Variants in TTC34 observed in about 807,000 individuals in gnomAD.
TTC34 encodes the protein tetratricopeptide repeat domain 34.
TTC34 carries 44 observed loss-of-function variants against 40.7 expected under a neutral mutation model. The observed-to-expected ratio is 1.08, with a 90% CI of 0.85 to 1.39. The LOEUF (loss-of-function observed/expected upper bound fraction) is 1.39, where lower values mean the gene tolerates loss of function less well. Among genes scored for constraint, TTC34 ranks in the 40% most tolerant of loss-of-function variants. TTC34 has a pLI of 0.00. For synonymous variants in TTC34, 422 were observed against 398.6 expected (o/e 1.06, Z -0.70); for missense variants, 884 against 838.0 (o/e 1.05, Z -0.68).
At chr1:2,753,629 C>CA (rs1641401060) in intron 6 of TTC34, among the ~76,000 whole-genome samples, 1 of 103,248 alleles carries the variant, frequency 9.7e-6, no homozygotes, top group Non-Finnish European at 1.8e-5. Flanking sequence ...CACAGGTGAG[C>CA]TTCTGACAGC....
chr1:2,754,743 AG>A (rs1641447091), intron 6 of TTC34, among the ~76,000 whole-genome samples: 2 of 147,600 alleles, frequency 1.4e-5, no homozygotes, highest in Admixed American at 1.3e-4. Context: ...CCACACCCCC[AG>A]GTGCGCATGT....
At chr1:2,790,037 G>T in exon 3 of TTC34, 2 of 397,114 alleles carry the variant, frequency 5.0e-6, no homozygotes, top group Non-Finnish European at 8.9e-6. Context: ...CCCGGCAGGC[G>T]CCAGGCGAAG....
At chr1:2,686,050 A>G (rs1412315352) in intron 6 of TTC34, among the ~76,000 whole-genome samples, 3 of 111,940 alleles carry the variant, frequency 2.7e-5, no homozygotes, top group Non-Finnish European at 3.5e-5. Flanking sequence ...CCCCCAAGTG[A>G]GCATCCGACA....
At chr1:2,650,338 C>T (rs374032347) in intron 6 of TTC34, among the ~76,000 whole-genome samples, 1 of 141,080 alleles carries the variant, frequency 7.1e-6, no homozygotes, top group Middle Eastern at 3.9e-3. Context: ...GCACTCTACA[C>T]CCTCAGGTGA....
At chr1:2,748,386 A>G in intron 6 of TTC34, among the ~76,000 whole-genome samples, 1 of 149,234 alleles carries the variant, frequency 6.7e-6, no homozygotes, top group Admixed American at 6.6e-5. Flanking sequence ...GACATCCTGG[A>G]GCAACACTGA....
At chr1:2,683,621 C>A (rs1419025860) in intron 6 of TTC34, among the ~76,000 whole-genome samples, 2 of 76,012 alleles carry the variant, frequency 2.6e-5, no homozygotes, top group Non-Finnish European at 7.2e-5. Context: ...CATCCTTCAG[C>A]AGCACCCACA....
At chr1:2,795,548 G>A (rs1176432430) in intron 2 of TTC34, among the ~76,000 whole-genome samples, 2 of 152,176 alleles carry the variant, frequency 1.3e-5, no homozygotes, top group African/African-American at 4.8e-5. Context: ...CTGAGGCTTG[G>A]GCTCCTGAAG....
chr1:2,676,948 G>C (rs1251115044), intron 6 of TTC34, among the ~76,000 whole-genome samples: 38 of 147,246 alleles, frequency 2.6e-4, no homozygotes, highest in Admixed American at 2.5e-3. Flanking sequence ...GCATCTGACA[G>C]CATGGAACAG....
At chr1:2,637,622 G>A (rs1241381740) in exon 9 of TTC34, 3 of 152,234 alleles carry the variant, frequency 2.0e-5, no homozygotes, top group South Asian at 2.1e-4. Flanking sequence ...ACGTGCTGCT[G>A]TGTGAGGCTG....
chr1:2,693,171 GGTCCGC>G (rs1640705112), intron 6 of TTC34, among the ~76,000 whole-genome samples: 1 of 96,046 alleles, frequency 1.0e-5, no homozygotes, highest in Non-Finnish European at 2.1e-5. Flanking sequence ...TGACAGCCTG[GGTCCGC>G]ACCCACACCC....
rs1643707896 is a variant in TTC34 at position 2,796,117 on chromosome 1, T to A, written c.784+3927A>T. On this transcript the variant is annotated intron_variant, in intron 2 of 8. Coordinates refer to ENST00000401095, the Ensembl canonical transcript of TTC34. This position sits in a 1 kb window ranked among gnomAD's most constrained non-coding sequence, Gnocchi z 4.5. The stretch of plus-strand genomic sequence containing the variant: ...GGATGCAGCATTCAAGGCGCCATCT[T>A]GGAATCCGAATCCCCAAGCCTGTTG... Among the ~76,000 whole-genome samples, 1 of 152,202 alleles carries A rather than the reference T, an allele frequency of 6.6e-6. No individual in the cohort carries two copies. Among genetic ancestry groups the A allele is most frequent in the Non-Finnish European group, 1.5e-5 (1 of 68,028 alleles).
At chr1:2,755,003 C>A (rs1489233964) in intron 6 of TTC34, among the ~76,000 whole-genome samples, 1 of 36,074 alleles carries the variant, frequency 2.8e-5, no homozygotes, top group African/African-American at 2.8e-4. Context: ...TCTCACAGCA[C>A]GTAACAGCAC....
intron 6 of TTC34, among the ~76,000 whole-genome samples, chr1:2,750,222 T>G (rs1641269896): frequency 1.5e-5 from 2 of 134,508 alleles, no homozygotes; most frequent in South Asian, 2.6e-4. Context: ...GCGCATCTGA[T>G]GGTCTGGAGC....
chr1:2,692,065 C>G (rs1254073028), intron 6 of TTC34, among the ~76,000 whole-genome samples: 8 of 84,166 alleles, frequency 9.5e-5, no homozygotes, highest in African/African-American at 2.8e-4. Flanking sequence ...GCACCCACAC[C>G]CCCAGGTGAA....
At chr1:2,647,416 A>T (rs576826039) in intron 6 of TTC34, among the ~76,000 whole-genome samples, 2 of 152,270 alleles carry the variant, frequency 1.3e-5, no homozygotes, top group African/African-American at 4.8e-5. Flanking sequence ...AGAGGTCAGG[A>T]GATCGAGACC....
intron 6 of TTC34, among the ~76,000 whole-genome samples, chr1:2,684,981 T>A (rs1165279534): frequency 7.1e-6 from 1 of 139,910 alleles, no homozygotes; most frequent in Non-Finnish European, 1.5e-5. Context: ...TCTGACAGCT[T>A]AGAACAGCAC....
At chr1:2,692,563 C>T (rs1569598460) in intron 6 of TTC34, among the ~76,000 whole-genome samples, 3 of 143,320 alleles carry the variant, frequency 2.1e-5, no homozygotes, top group South Asian at 4.5e-4. Context: ...GAGCATCGGA[C>T]GGCCTGGAAC....
At chr1:2,775,789 A>G (rs1643094728) in intron 6 of TTC34, among the ~76,000 whole-genome samples, 1 of 146,100 alleles carries the variant, frequency 6.8e-6, no homozygotes, top group African/African-American at 2.7e-5. Flanking sequence ...CAACACTCGA[A>G]TCTTCAGGTG....
chr1:2,775,535 C>G (rs1282009082), intron 6 of TTC34: 3 of 148,048 alleles, frequency 2.0e-5, no homozygotes, highest in East Asian at 2.0e-4. Flanking sequence ...ATCTGACAAC[C>G]AGAACCTGCA....
Sources: allele counts gnomAD v4.1 joint callset (sites outside exome capture counted in the v4.1 genomes callset), GRCh38; gene constraint gnomAD v4.1.1; non-coding constraint Gnocchi (gnomAD v3.1); transcripts MANE v1.5; gene names NCBI Gene and HGNC (gene_info 2026-07-23, HGNC 2026-07-21).